FRMD5: variants seen among roughly 807,000 people sequenced by gnomAD.
FRMD5 encodes the protein FERM domain-containing protein 5.
In FRMD5, 20 loss-of-function variants were observed where a neutral mutation model predicts 69.0. The observed-to-expected ratio is 0.29, with a 90% CI of 0.20 to 0.42. The LOEUF is 0.42. Ranked by LOEUF, FRMD5 falls within the 10% of genes least tolerant of loss-of-function variation. FRMD5 has a pLI of 1.00. For synonymous variants in FRMD5, 271 were observed against 260.1 expected (o/e 1.04, Z -0.40); for missense variants, 595 against 708.6 (o/e 0.84, Z 1.82).
chr15:44,084,809 T>C (rs892628469), intron 1 of FRMD5, among the ~76,000 whole-genome samples: 1 of 152,168 alleles, frequency 6.6e-6, no homozygotes, highest in Non-Finnish European at 1.5e-5. Flanking sequence ...TCAATTGTTA[T>C]ATCTCTAGTG....
At chr15:43,882,521 G>A (rs983362166) in intron 13 of FRMD5, among the ~76,000 whole-genome samples, 2 of 151,978 alleles carry the variant, frequency 1.3e-5, no homozygotes, top group Non-Finnish European at 2.9e-5. Context: ...ACCACACCTG[G>A]TTAATTTTTG....
chr15:43,933,106 G>A (rs557548458), intron 1 of FRMD5, among the ~76,000 whole-genome samples: 1 of 152,304 alleles, frequency 6.6e-6, no homozygotes, highest in Admixed American at 6.5e-5. Context: ...AGAGTCCCAG[G>A]AGAGGAGTGA....
chr15:44,096,513 C>T (rs903920828), intron 1 of FRMD5, among the ~76,000 whole-genome samples: 2 of 151,404 alleles, frequency 1.3e-5, no homozygotes, highest in African/African-American at 4.9e-5. Flanking sequence ...AGTAATTCTC[C>T]TACCTCAGCC....
At chr15:44,010,528 G>C (rs1294858006) in intron 1 of FRMD5, among the ~76,000 whole-genome samples, 1 of 151,674 alleles carries the variant, frequency 6.6e-6, no homozygotes, top group East Asian at 1.9e-4. Flanking sequence ...CTCCTGAGTA[G>C]CTGGCTAATT....
At chr15:44,097,940 T>C (rs1018041801) in intron 1 of FRMD5, among the ~76,000 whole-genome samples, 9 of 152,096 alleles carry the variant, frequency 5.9e-5, no homozygotes, top group African/African-American at 2.2e-4. Context: ...GAATGGCCTT[T>C]GAATGACATG....
intron 1 of FRMD5, among the ~76,000 whole-genome samples, chr15:44,008,001 G>A (rs891361525): frequency 6.6e-6 from 1 of 151,956 alleles, no homozygotes; most frequent in African/African-American, 2.4e-5. Flanking sequence ...GAGTGCAGTG[G>A]GATGATCATG....
intron 13 of FRMD5, among the ~76,000 whole-genome samples, chr15:43,875,578 A>T (rs931349499): frequency 6.6e-6 from 1 of 151,104 alleles, no homozygotes; most frequent in Non-Finnish European, 1.5e-5. Context: ...CCCGGGTTCC[A>T]GCGATTCTTG....
intron 1 of FRMD5, among the ~76,000 whole-genome samples, chr15:44,031,822 TA>T: frequency 6.6e-6 from 1 of 152,266 alleles, no homozygotes; most frequent in East Asian, 1.9e-4. Context: ...TTAGAGAAAC[TA>T]AAAATGGGGA....
At chr15:44,196,478 T>C (rs546314441), upstream of FRMD5, among the ~76,000 whole-genome samples, 3 of 151,220 alleles carry the variant, frequency 2.0e-5, no homozygotes, top group East Asian at 5.8e-4. Flanking sequence ...AAAAAAAAAA[T>C]AATCGTGTCA....
intron 1 of FRMD5, among the ~76,000 whole-genome samples, chr15:44,045,277 T>C (rs1192653250): frequency 6.6e-6 from 1 of 152,236 alleles, no homozygotes; most frequent in African/African-American, 2.4e-5. Context: ...ATTAGCAAAT[T>C]CCACCATTTG....
At chr15:43,918,352 A>C (rs1222519035) in intron 4 of FRMD5, among the ~76,000 whole-genome samples, 1 of 152,212 alleles carries the variant, frequency 6.6e-6, no homozygotes, top group Non-Finnish European at 1.5e-5. Flanking sequence ...TGAAACCAGA[A>C]GGTGGAGGTT....
intron 13 of FRMD5, chr15:43,875,998 C>G (rs1341210760): frequency 2.2e-6 from 3 of 1,343,840 alleles, no homozygotes; most frequent in Non-Finnish European, 3.2e-6. Flanking sequence ...GTCATCCAAC[C>G]CAAGACGCCC....
intron 4 of FRMD5, among the ~76,000 whole-genome samples, chr15:43,914,723 CTTTTTTT>C (rs533023960): frequency 9.1e-6 from 1 of 109,418 alleles, no homozygotes; most frequent in South Asian, 2.8e-4. Flanking sequence ...AGGTGACTAC[CTTTTTTT>C]TTTTTTTTTT....
intron 1 of FRMD5, among the ~76,000 whole-genome samples, chr15:44,119,794 G>C (rs1312820993): frequency 6.6e-6 from 1 of 150,684 alleles, no homozygotes; most frequent in Non-Finnish European, 1.5e-5. Flanking sequence ...CCCAGTTCTG[G>C]GTTCTGCCAG....
intron 8 of FRMD5, among the ~76,000 whole-genome samples, chr15:43,890,824 C>T (rs1040749830): frequency 6.6e-6 from 1 of 152,162 alleles, no homozygotes; most frequent in Non-Finnish European, 1.5e-5. Flanking sequence ...CTCTGGCTGA[C>T]GATCGTAATG....
intron 1 of FRMD5, among the ~76,000 whole-genome samples, chr15:43,996,715 ATTTTTTTTTTT>A (rs11397296): frequency 9.3e-5 from 8 of 86,020 alleles, no homozygotes; most frequent in Admixed American, 1.9e-4. Flanking sequence ...TCCTCAGCTG[ATTTTTTTTTTT>A]TTTTTTTTTT....
chr15:43,904,512 C>T (rs1023159815), intron 6 of FRMD5, among the ~76,000 whole-genome samples: 1 of 151,976 alleles, frequency 6.6e-6, no homozygotes, highest in South Asian at 2.1e-4. Flanking sequence ...GGGATACAAG[C>T]GTGTGCCACC....
At chr15:44,182,274 G>A (rs1015227101) in intron 1 of FRMD5, among the ~76,000 whole-genome samples, 3 of 148,228 alleles carry the variant, frequency 2.0e-5, no homozygotes, top group African/African-American at 7.5e-5. Context: ...GCCTCCCAAA[G>A]TCCTGGGATT....
chr15:44,007,065 C>T (rs1890484111), intron 1 of FRMD5, among the ~76,000 whole-genome samples: 1 of 152,170 alleles, frequency 6.6e-6, no homozygotes, highest in Non-Finnish European at 1.5e-5. Context: ...GTCACAGCCA[C>T]CTTCAGCAGC....
Sources: allele counts gnomAD v4.1 joint callset (sites outside exome capture counted in the v4.1 genomes callset), GRCh38; gene constraint gnomAD v4.1.1; transcripts MANE v1.5; gene names NCBI Gene and HGNC (gene_info 2026-07-23, HGNC 2026-07-21).